Variants in PRH1 observed in about 807,000 individuals in gnomAD.
The protein encoded by PRH1 is salivary acidic proline-rich phosphoprotein 1/2.
Under a neutral mutation model 7.9 loss-of-function variants are expected in PRH1, and 7 were observed. The ratio of observed to expected loss-of-function variants is 0.89; its 90% CI spans 0.50 to 1.67. The LOEUF is 1.67. Among genes scored for constraint, PRH1 ranks in the 40% most tolerant of loss-of-function variants. The probability of loss-of-function intolerance (pLI) is 0.00; values close to 1 mark genes in which losing one functional copy is unlikely to be tolerated. For missense variants in PRH1, 109 were observed against 223.6 expected (o/e 0.49, Z 3.27); for synonymous variants, 45 against 80.8 (o/e 0.56, Z 2.38).
chr12:11,079,726 AG>A (rs1186561843), intron 1 of PRH1, among the ~76,000 whole-genome samples: 1 of 117,812 alleles, frequency 8.5e-6, no homozygotes, highest in Non-Finnish European at 2.0e-5. Context: ...TAAACCTAAA[AG>A]AAAAACCTAT....
intron 1 of PRH1, among the ~76,000 whole-genome samples, chr12:11,154,744 G>A (rs921941354): frequency 6.6e-6 from 1 of 152,198 alleles, no homozygotes; most frequent in Non-Finnish European, 1.5e-5. Flanking sequence ...GTCATTTGAT[G>A]AGATTCCTAG....
intron 1 of PRH1, chr12:10,997,472 C>A: frequency 6.2e-7 from 1 of 1,613,644 alleles, no homozygotes; most frequent in Non-Finnish European, 8.5e-7. Context: ...GAACAAAGAC[C>A]CCAACACTAT....
In PRH1 at chr12:10,940,346, T is replaced by C. The variant is rs115390175; in HGVS notation, c.-59+33309A>G. Among the ~76,000 whole-genome samples, 1,051 of 152,342 alleles carry C rather than the reference T, an allele frequency of 6.9e-3. 17 individuals carry two copies. The highest frequency in any genetic ancestry group is 0.024 in the African/African-American group (1,016 of 41,574). ...ATCTAGTTCATGTTTAGTACTGTGATAGTTTTAAACACATTTAAAAAGACT... is the reference window on the plus strand; with the variant it reads ...ATCTAGTTCATGTTTAGTACTGTGACAGTTTTAAACACATTTAAAAAGACT... On this transcript the variant is annotated intron_variant, in intron 2 of 3. Transcript: ENST00000539853.
intron 1 of PRH1, among the ~76,000 whole-genome samples, chr12:11,066,048 C>A (rs891074025): frequency 2.0e-5 from 3 of 152,160 alleles, no homozygotes; most frequent in South Asian, 4.1e-4. Flanking sequence ...TAGCAGAAAT[C>A]AAGACTTCTT....
chr12:10,992,692 T>C (rs1056437113), intron 1 of PRH1, among the ~76,000 whole-genome samples: 2 of 152,294 alleles, frequency 1.3e-5, no homozygotes, highest in South Asian at 2.1e-4. Flanking sequence ...GGATTACAGG[T>C]GTGAGCCACC....
intron 1 of PRH1, among the ~76,000 whole-genome samples, chr12:11,063,219 T>C (rs976250054): frequency 1.3e-5 from 2 of 152,130 alleles, no homozygotes; most frequent in African/African-American, 2.4e-5. Flanking sequence ...CCCTTTGATA[T>C]ATAGTCTTGC....
chr12:10,937,011 G>T (rs970902215), intron 2 of PRH1, among the ~76,000 whole-genome samples: 1 of 151,992 alleles, frequency 6.6e-6, no homozygotes, highest in African/African-American at 2.4e-5. Context: ...CAAATTTTTA[G>T]CAAAGAATTC....
intron 1 of PRH1, among the ~76,000 whole-genome samples, chr12:11,068,474 G>GTA: frequency 6.6e-6 from 1 of 152,182 alleles, no homozygotes; most frequent in South Asian, 2.1e-4. Context: ...TTTGATCACT[G>GTA]TATAGTATTC....
chr12:11,017,386 G>A (rs1257844522), intron 1 of PRH1, among the ~76,000 whole-genome samples: 5 of 152,124 alleles, frequency 3.3e-5, no homozygotes, highest in African/African-American at 1.2e-4. Context: ...AATATCAGAA[G>A]AAAGAGACAT....
chr12:10,962,177 T>C (rs899817716), intron 2 of PRH1, among the ~76,000 whole-genome samples: 1 of 152,218 alleles, frequency 6.6e-6, no homozygotes, highest in Non-Finnish European at 1.5e-5. Context: ...CACTTTTCTG[T>C]GATTTTATAA....
At chr12:10,884,259 A>C, upstream of PRH1, 18 of 1,613,746 alleles carry the variant, frequency 1.1e-5, no homozygotes, top group Non-Finnish European at 1.5e-5. Context: ...TTGTGCTGGG[A>C]GAAACGTGTC....
chr12:10,948,556 G>A (rs1950522513), intron 2 of PRH1, among the ~76,000 whole-genome samples: 1 of 151,980 alleles, frequency 6.6e-6, no homozygotes, highest in African/African-American at 2.4e-5. Flanking sequence ...TATTTTCCTT[G>A]GATTGGGTTT....
At chr12:11,040,034 A>C (rs1007867697) in intron 1 of PRH1, among the ~76,000 whole-genome samples, 4 of 152,184 alleles carry the variant, frequency 2.6e-5, no homozygotes, top group Admixed American at 2.6e-4. Context: ...GAGCCCAGTT[A>C]ATACTTAAAT....
intron 2 of PRH1, among the ~76,000 whole-genome samples, chr12:10,911,958 T>A (rs867080521): frequency 6.6e-6 from 1 of 152,216 alleles, no homozygotes. Context: ...TAACTTTGTA[T>A]ATTTTAATTT....
intron 1 of PRH1, among the ~76,000 whole-genome samples, chr12:11,122,501 CTT>C (rs1337181909): frequency 6.6e-6 from 1 of 152,252 alleles, no homozygotes; most frequent in Non-Finnish European, 1.5e-5. Context: ...TATGTCCACA[CTT>C]GTTGTGTCAG....
intron 1 of PRH1, among the ~76,000 whole-genome samples, chr12:11,125,345 G>T (rs1288971263): frequency 6.6e-6 from 1 of 152,230 alleles, no homozygotes; most frequent in Non-Finnish European, 1.5e-5. Context: ...ACTTTCCTAT[G>T]AACTTACACA....
intron 1 of PRH1, chr12:11,133,695 T>C (rs758365136): frequency 6.2e-7 from 1 of 1,614,238 alleles, no homozygotes; most frequent in Non-Finnish European, 8.5e-7. Flanking sequence ...GGTACAAAGT[T>C]TGCTAGCATG....
At chr12:11,014,887 C>T (rs1348635370) in intron 1 of PRH1, among the ~76,000 whole-genome samples, 3 of 152,000 alleles carry the variant, frequency 2.0e-5, no homozygotes, top group Admixed American at 1.3e-4. Context: ...GCTCTCACCA[C>T]CCACCAGGAA....
At chr12:10,979,845 C>G (rs1292757155) in intron 1 of PRH1, among the ~76,000 whole-genome samples, 1 of 152,042 alleles carries the variant, frequency 6.6e-6, no homozygotes, top group East Asian at 1.9e-4. Context: ...AACGTGGACT[C>G]TATGTTTTTT....
Sources: gnomAD v4.1 joint callset for allele counts (sites outside exome capture counted in the v4.1 genomes callset) on GRCh38, gnomAD v4.1.1 for gene constraint, MANE v1.5 for transcripts, NCBI Gene and HGNC (gene_info 2026-07-23, HGNC 2026-07-21) for gene names.